PPP1R9A: variants seen among roughly 807,000 people sequenced by gnomAD.
PPP1R9A encodes the protein neurabin-1.
A neutral mutation model predicts 141.9 loss-of-function variants in PPP1R9A; 59 were observed. The observed-to-expected ratio is 0.42, with a 90% CI of 0.34 to 0.52. PPP1R9A has a LOEUF of 0.52. Ranked by LOEUF, PPP1R9A falls within the 20% of genes least tolerant of loss-of-function variation. The pLI is 0.10. For missense variants in PPP1R9A, 1,444 were observed against 1,611.9 expected, an observed-to-expected ratio of 0.90 and a Z score of 1.78; for synonymous variants, 500 against 569.7, an observed-to-expected ratio of 0.88 and a Z score of 1.74.
intron 2 of PPP1R9A, among the ~76,000 whole-genome samples, chr7:95,094,364 T>C (rs1327661139): frequency 6.6e-6 from 1 of 152,220 alleles, no homozygotes; most frequent in Non-Finnish European, 1.5e-5. Context: ...CAAAAAAGTA[T>C]ACAAAAGAAA....
intron 16 of PPP1R9A, among the ~76,000 whole-genome samples, chr7:95,283,509 A>T (rs2115681588): frequency 6.6e-6 from 1 of 152,266 alleles, no homozygotes; most frequent in South Asian, 2.1e-4. Flanking sequence ...CTGGTGAAAA[A>T]CCAATAAACT....
At chr7:95,066,742 C>T (rs1813003169) in intron 2 of PPP1R9A, among the ~76,000 whole-genome samples, 1 of 152,026 alleles carries the variant, frequency 6.6e-6, no homozygotes, top group South Asian at 2.1e-4. Context: ...CAACATCCAA[C>T]TAATACACAG....
At chr7:95,107,972 T>C (rs1027232580) in intron 2 of PPP1R9A, among the ~76,000 whole-genome samples, 2 of 152,144 alleles carry the variant, frequency 1.3e-5, no homozygotes, top group Non-Finnish European at 2.9e-5. Context: ...AGAAAAATGC[T>C]TGTACATTTA....
chr7:95,056,904 A>C (rs1333641312), intron 2 of PPP1R9A, among the ~76,000 whole-genome samples: 1 of 152,144 alleles, frequency 6.6e-6, no homozygotes, highest in African/African-American at 2.4e-5. Context: ...CCAGTTTTTA[A>C]AAATTATCAG....
chr7:95,171,783 A>T (rs1186358293), intron 5 of PPP1R9A, among the ~76,000 whole-genome samples: 1 of 151,660 alleles, frequency 6.6e-6, no homozygotes, highest in African/African-American at 2.4e-5. Context: ...CTTTCAGAAC[A>T]TAGAAGATGG....
chr7:95,125,761 C>T (rs1181960217), intron 4 of PPP1R9A, among the ~76,000 whole-genome samples: 3 of 152,154 alleles, frequency 2.0e-5, no homozygotes, highest in Non-Finnish European at 4.4e-5. Flanking sequence ...GGAAGAGATA[C>T]CACATATGAA....
chr7:95,240,273 T>A (rs756792707), intron 8 of PPP1R9A, among the ~76,000 whole-genome samples: 2 of 152,132 alleles, frequency 1.3e-5, no homozygotes, highest in African/African-American at 4.8e-5. Context: ...TTTCACCTTG[T>A]ACTTTAAAAA....
intron 3 of PPP1R9A, among the ~76,000 whole-genome samples, chr7:95,117,677 C>T (rs945098840): frequency 6.6e-6 from 1 of 152,040 alleles, no homozygotes; most frequent in African/African-American, 2.4e-5. Flanking sequence ...AATGGTGTGA[C>T]AGTATGGAGA....
At chr7:95,172,308 A>G (rs1832240396) in intron 5 of PPP1R9A, among the ~76,000 whole-genome samples, 1 of 151,690 alleles carries the variant, frequency 6.6e-6, no homozygotes. Context: ...GAGGAAGTAA[A>G]ACTCTTTATT....
intron 8 of PPP1R9A, among the ~76,000 whole-genome samples, chr7:95,235,494 G>C (rs1019537686): frequency 1.3e-5 from 2 of 152,098 alleles, no homozygotes; most frequent in Admixed American, 6.6e-5. Context: ...CTGCAAGAAT[G>C]GCCATAATCA....
intron 2 of PPP1R9A, among the ~76,000 whole-genome samples, chr7:95,001,786 G>A (rs1802963703): frequency 6.6e-6 from 1 of 152,106 alleles, no homozygotes; most frequent in Middle Eastern, 3.2e-3. Flanking sequence ...TGAAGACAAA[G>A]CCATTTATTA....
At chr7:94,997,425 A>G (rs1361183105) in intron 2 of PPP1R9A, among the ~76,000 whole-genome samples, 1 of 152,054 alleles carries the variant, frequency 6.6e-6, no homozygotes, top group Non-Finnish European at 1.5e-5. Context: ...AGTGCTGTCA[A>G]AGCTACTGTG....
intron 5 of PPP1R9A, 28 bp downstream of exon 5, chr7:95,161,999 A>G: frequency 7.3e-7 from 1 of 1,373,140 alleles, no homozygotes; most frequent in Non-Finnish European, 1.0e-6. Context: ...AATATACACC[A>G]TGTTGTTACT....
intron 2 of PPP1R9A, among the ~76,000 whole-genome samples, chr7:95,083,306 A>T (rs1272644881): frequency 6.6e-6 from 1 of 151,834 alleles, no homozygotes; most frequent in Non-Finnish European, 1.5e-5. Context: ...GTTTTTTCAG[A>T]TTCTTCTTCT....
intron 2 of PPP1R9A, among the ~76,000 whole-genome samples, chr7:95,053,499 A>G (rs932805224): frequency 3.3e-5 from 5 of 152,242 alleles, no homozygotes; most frequent in Admixed American, 2.0e-4. Context: ...CTTAACACCA[A>G]TAAAAATAAA....
chr7:95,188,656 T>C (rs1835014394), intron 5 of PPP1R9A, among the ~76,000 whole-genome samples: 1 of 150,944 alleles, frequency 6.6e-6, no homozygotes, highest in South Asian at 2.1e-4. Context: ...TGGAGTGCAG[T>C]GGTGCAATCT....
chr7:95,262,561 G>A (rs1272620877), intron 12 of PPP1R9A, among the ~76,000 whole-genome samples: 5 of 152,178 alleles, frequency 3.3e-5, no homozygotes, highest in Non-Finnish European at 7.4e-5. Context: ...GTAGTCTAGC[G>A]GTATTACTGA....
chr7:95,126,363 A>C (rs1216808086), intron 4 of PPP1R9A, among the ~76,000 whole-genome samples: 1 of 152,156 alleles, frequency 6.6e-6, no homozygotes, highest in East Asian at 1.9e-4. Flanking sequence ...CATTACCCTT[A>C]TCCCTATTGA....
chr7:95,109,703 G>T (rs1312684784), intron 2 of PPP1R9A, among the ~76,000 whole-genome samples: 1 of 151,924 alleles, frequency 6.6e-6, no homozygotes, highest in Non-Finnish European at 1.5e-5. Context: ...AATTAGCTGA[G>T]TGTGATGGCA....
Sources: gnomAD v4.1 joint callset for allele counts (sites outside exome capture counted in the v4.1 genomes callset) on GRCh38, gnomAD v4.1.1 for gene constraint, MANE v1.5 for transcripts, NCBI Gene and HGNC (gene_info 2026-07-23, HGNC 2026-07-21) for gene names.